AGO2: variants seen among roughly 807,000 people sequenced by gnomAD.
AGO2 encodes protein argonaute-2.
AGO2 carries 5 observed loss-of-function variants against 102.3 expected under a neutral mutation model. The observed-to-expected ratio is 0.05, with a 90% confidence interval of 0.03 to 0.10. The LOEUF (loss-of-function observed/expected upper bound fraction) is 0.10. AGO2 is among the 10% of genes least tolerant of loss of function. The probability of loss-of-function intolerance (pLI) is 1.00; values close to 1 mark genes in which losing one functional copy is unlikely to be tolerated. For synonymous variants in AGO2, 449 were observed against 473.1 expected (o/e 0.95, Z 0.66); for missense variants, 541 against 1,183.7 (o/e 0.46, Z 7.97).
chr8:140,624,958 C>G (rs1392276259), intron 1 of AGO2, among the ~76,000 whole-genome samples: 2 of 152,186 alleles, frequency 1.3e-5, no homozygotes, highest in Non-Finnish European at 1.5e-5. Context: ...GGCCCCCTTG[C>G]TCCAGAGCAT....
chr8:140,639,421 C>T (rs1314183346), upstream of AGO2, among the ~76,000 whole-genome samples: 2 of 149,754 alleles, frequency 1.3e-5, no homozygotes, highest in East Asian at 3.9e-4. Context: ...GCGGAGGTCG[C>T]AGTGAGCCGA....
At chr8:140,607,721 T>A (rs985693292) in intron 1 of AGO2, among the ~76,000 whole-genome samples, 18 of 151,502 alleles carry the variant, frequency 1.2e-4, no homozygotes, top group African/African-American at 4.1e-4. Flanking sequence ...ACATGCAACA[T>A]CCAGAACAGG....
chr8:140,610,028 T>TAAA lies in AGO2; in HGVS notation c.23-24720_23-24718dup, dbSNP rs55637374. On this transcript the variant is annotated intron_variant, in intron 1 of 18. Transcript: ENST00000220592. ...GGGAAATACAGCAAGACCTTGACTC[T>TAAA]AAAAAAAAAAAAAAAAAAAAAAAAA... Among the ~76,000 whole-genome samples, 266 of 126,508 alleles carry TAAA rather than the reference T, an allele frequency of 2.1e-3. 3 individuals carry two copies. In the East Asian group the frequency reaches 0.06, roughly 29 times the overall value. 83.0% of individuals were successfully genotyped at this position (126,508 alleles called of 152,430 possible).
In AGO2 at chr8:140,585,105, A is replaced by G. The variant is rs1470381197; in HGVS notation, c.215+14T>C. On this transcript the variant is annotated intron_variant, in intron 2 of 18. Transcript: ENST00000220592. ...AGACCACTTACACAGGTCATGAAGGATGAAACGTAATACCTGTTAACTCTC... is the reference window on the plus strand; with the variant it reads ...AGACCACTTACACAGGTCATGAAGGGTGAAACGTAATACCTGTTAACTCTC... 2 of 1,611,578 alleles carry G rather than the reference A, an allele frequency of 1.2e-6. No homozygotes were observed. The highest frequency in any genetic ancestry group is 2.2e-5 in the East Asian group (1 of 44,862).
chr8:140,608,607 T>C (rs1411812444), intron 1 of AGO2, among the ~76,000 whole-genome samples: 6 of 152,212 alleles, frequency 3.9e-5, no homozygotes, highest in Non-Finnish European at 8.8e-5. Context: ...GGGAAGGTCA[T>C]GGCTGGCAGC....
intron 1 of AGO2, among the ~76,000 whole-genome samples, chr8:140,610,558 C>T (rs1389368564): frequency 6.6e-6 from 1 of 152,184 alleles, no homozygotes; most frequent in Non-Finnish European, 1.5e-5. Flanking sequence ...AAAACTTCTC[C>T]ACAAAAAGCA....
At chr8:140,635,210 A>G (rs2074390871) in intron 1 of AGO2, among the ~76,000 whole-genome samples, 1 of 143,382 alleles carries the variant, frequency 7.0e-6, no homozygotes, top group East Asian at 2.2e-4. Context: ...GAGGCGCGGG[A>G]GGGGCCCAGG....
At chr8:140,627,982 A>C (rs549398025) in intron 1 of AGO2, among the ~76,000 whole-genome samples, 1 of 152,244 alleles carries the variant, frequency 6.6e-6, no homozygotes, top group Admixed American at 6.5e-5. Context: ...TTCCACTCCC[A>C]GGAGGATGCT....
At chr8:140,580,851 G>A (rs530535938) in intron 2 of AGO2, among the ~76,000 whole-genome samples, 1 of 152,360 alleles carries the variant, frequency 6.6e-6, no homozygotes, top group Non-Finnish European at 1.5e-5. Flanking sequence ...TCATAGCCTA[G>A]CAGGTTGGCC....
chr8:140,635,716 G>GGGGGA (rs1372634187), upstream of AGO2: 1 of 150,794 alleles, frequency 6.6e-6, no homozygotes, highest in Non-Finnish European at 1.4e-5. Flanking sequence ...GGAGGAGGGA[G>GGGGGA]GGGGAGGGGA....
Position 140,524,753 on chromosome 8 carries a change from A to T in AGO2, c.*7291T>A, listed in dbSNP as rs574812713. 1.5e-4 allele frequency: 23 copies of T among 152,626 alleles called. No homozygotes were observed. The highest frequency in any genetic ancestry group is 5.3e-4 in the African/African-American group (22 of 41,536). 9.5% of individuals were successfully genotyped at this position (152,626 alleles called of 1,614,324 possible). On this transcript the variant is annotated 3_prime_UTR_variant, in exon 19 of 19. Transcript: ENST00000220592. Reference sequence around the variant, plus strand: ...CCGTCTCCCACCCAAGACTGCGCACACAACTCCCAGAGTTCAAAGGAGCCC... The same window carrying T: ...CCGTCTCCCACCCAAGACTGCGCACTCAACTCCCAGAGTTCAAAGGAGCCC...
intron 1 of AGO2, among the ~76,000 whole-genome samples, chr8:140,590,170 G>GCGTCA: frequency 6.6e-6 from 1 of 152,310 alleles, no homozygotes; most frequent in East Asian, 1.9e-4. Flanking sequence ...TCTGGCCCAG[G>GCGTCA]CGTCACAGCT....
intron 1 of AGO2, among the ~76,000 whole-genome samples, chr8:140,595,717 A>T (rs1206544452): frequency 7.6e-6 from 1 of 132,122 alleles, no homozygotes; most frequent in Non-Finnish European, 1.6e-5. Context: ...TAAATATTAT[A>T]TTATATAATA....
At position 140,523,096 on chromosome 8, in the gene AGO2, C is replaced by T. The variant is rs1201140657; in HGVS notation, c.*8948G>A. 1 of 152,146 alleles carries T rather than the reference C, an allele frequency of 6.6e-6. No homozygotes were observed. Among genetic ancestry groups the T allele is most frequent in the Non-Finnish European group, 1.5e-5 (1 of 68,036 alleles). The allele number at this position is 152,146 out of a possible 1,614,324, so 9.4% of individuals were successfully genotyped here. A position where few individuals can be genotyped will look rare whatever the true frequency, so the allele number is the denominator to read the frequency against. ...CAATGTATATAAATAAGAGTTTATA[C>T]AGAAACTGCCAATTCACAAAACAGC... On this transcript the variant is annotated 3_prime_UTR_variant, in exon 19 of 19. Coordinates refer to ENST00000220592, the MANE Select transcript of AGO2 (RefSeq NM_012154.5).
At chr8:140,566,624 G>A (rs527388753) in intron 3 of AGO2, among the ~76,000 whole-genome samples, 1 of 150,916 alleles carries the variant, frequency 6.6e-6, no homozygotes, top group Non-Finnish European at 1.5e-5. Flanking sequence ...TTTTTGGGGG[G>A]GGGGAAGGTG....
In AGO2 at chr8:140,608,369, CCA is replaced by C. The variant is rs1318221278; in HGVS notation, c.23-23060_23-23059del. 6.6e-5 allele frequency among the ~76,000 whole-genome samples: 10 copies of C among 152,346 alleles called. No homozygotes were observed. In the South Asian group the frequency reaches 1.4e-3, roughly 22 times the overall value. ...CTGGTCTCCTTCTCTGTGCAAATCA[CCA>C]CAGTCCCAAGGACATCAGCCACGTC... On this transcript the variant is annotated intron_variant, in intron 1 of 18. Transcript: ENST00000220592.
At chr8:140,569,112 T>A (rs557215109) in intron 3 of AGO2, among the ~76,000 whole-genome samples, 42 of 152,240 alleles carry the variant, frequency 2.8e-4, no homozygotes, top group Admixed American at 1.2e-3. Flanking sequence ...GACACCCCCA[T>A]CCCAGGTCAG....
intron 1 of AGO2, among the ~76,000 whole-genome samples, chr8:140,627,799 G>C (rs1017380301): frequency 1.3e-5 from 2 of 152,282 alleles, no homozygotes; most frequent in South Asian, 2.1e-4. Flanking sequence ...CCCCACACAA[G>C]CATGGCGGTC....
intron 1 of AGO2, among the ~76,000 whole-genome samples, chr8:140,623,613 G>C (rs2074240889): frequency 6.6e-6 from 1 of 152,026 alleles, no homozygotes; most frequent in Non-Finnish European, 1.5e-5. Context: ...CTTGCTGCGT[G>C]CCCCCTGATG....
Sources: allele counts gnomAD v4.1 joint callset (sites outside exome capture counted in the v4.1 genomes callset), GRCh38; gene constraint gnomAD v4.1.1; transcripts MANE v1.5; gene names NCBI Gene and HGNC (gene_info 2026-07-23, HGNC 2026-07-21).